Variants in RAMP1 observed in about 807,000 individuals in gnomAD.
RAMP1 encodes receptor activity modifying protein 1, also known as receptor activity-modifying protein 1.
RAMP1 carries 7 observed loss-of-function variants against 8.2 expected under a neutral mutation model. The observed-to-expected ratio is 0.85, with a 90% CI of 0.49 to 1.60. The LOEUF (loss-of-function observed/expected upper bound fraction) is 1.60, where lower values mean the gene tolerates loss of function less well. Ranked by LOEUF, RAMP1 falls within the 40% of genes most tolerant of loss-of-function variation. RAMP1 has a pLI of 0.00. For missense variants in RAMP1, 192 were observed against 202.4 expected (o/e 0.95, Z 0.31); for synonymous variants, 92 against 84.7 (o/e 1.09, Z -0.47).
At position 237,876,105 on chromosome 2, in the gene RAMP1, C is replaced by T. The variant is rs145612908; in HGVS notation, c.53-1119C>T. Among the ~76,000 whole-genome samples, 795 of 152,272 alleles carry T rather than the reference C, an allele frequency of 5.2e-3. 6 individuals carry two copies. Among genetic ancestry groups the T allele is most frequent in the African/African-American group, 0.018 (768 of 41,564 alleles). ...TGTGTGTGAAGAGCTCCAGGGTGCCCGGCGCATCGGGGCAGCTCCAGTTCC... is the reference window on the plus strand; with the variant it reads ...TGTGTGTGAAGAGCTCCAGGGTGCCTGGCGCATCGGGGCAGCTCCAGTTCC... On this transcript the variant is annotated intron_variant, in intron 1 of 2. Coordinates refer to ENST00000254661, the MANE Select transcript of RAMP1 (RefSeq NM_005855.4).
At chr2:237,901,447 G>T (rs374019758) in intron 2 of RAMP1, among the ~76,000 whole-genome samples, 1 of 152,234 alleles carries the variant, frequency 6.6e-6, no homozygotes, top group South Asian at 2.1e-4. Context: ...TCCAGAAAAG[G>T]CCTCTTTGAG....
At chr2:237,910,128 A>G (rs1465601991) in intron 2 of RAMP1, among the ~76,000 whole-genome samples, 1 of 152,104 alleles carries the variant, frequency 6.6e-6, no homozygotes, top group Non-Finnish European at 1.5e-5. Flanking sequence ...ATATGGGGTC[A>G]CACGTACCCG....
At chr2:237,901,316 G>T (rs1380746338) in intron 2 of RAMP1, among the ~76,000 whole-genome samples, 1 of 152,262 alleles carries the variant, frequency 6.6e-6, no homozygotes, top group East Asian at 1.9e-4. Context: ...GGTGTCTGCA[G>T]TCTGGTTGTT....
intron 1 of RAMP1, among the ~76,000 whole-genome samples, chr2:237,876,100 G>T (rs1235372824): frequency 6.6e-6 from 1 of 152,196 alleles, no homozygotes; most frequent in Non-Finnish European, 1.5e-5. Flanking sequence ...GAGCTCCAGG[G>T]TGCCCGGCGC....
intron 2 of RAMP1, among the ~76,000 whole-genome samples, chr2:237,901,878 G>A (rs1239476501): frequency 6.6e-6 from 1 of 151,814 alleles, no homozygotes; most frequent in Non-Finnish European, 1.5e-5. Context: ...ACAGAAAAGT[G>A]GAAGCTGGTA....
chr2:237,869,422 C>G (rs1421552516), intron 1 of RAMP1, among the ~76,000 whole-genome samples: 1 of 152,170 alleles, frequency 6.6e-6, no homozygotes, highest in Non-Finnish European at 1.5e-5. Flanking sequence ...GAAACTCTGT[C>G]CCAGTTAAAC....
intron 1 of RAMP1, among the ~76,000 whole-genome samples, chr2:237,874,320 G>A (rs114171265): frequency 0.01 from 1,589 of 152,314 alleles, 30 homozygotes; most frequent in African/African-American, 0.036. Flanking sequence ...ATTGTTTCTG[G>A]CCCCTGCACC....
intron 2 of RAMP1, among the ~76,000 whole-genome samples, chr2:237,909,260 G>A (rs2062684346): frequency 1.3e-5 from 2 of 152,164 alleles, no homozygotes; most frequent in African/African-American, 4.8e-5. Flanking sequence ...CTCTCACCTG[G>A]CAGCCCTCCA....
intron 1 of RAMP1, among the ~76,000 whole-genome samples, chr2:237,868,736 T>C (rs1433141002): frequency 2.6e-5 from 4 of 152,258 alleles, no homozygotes; most frequent in African/African-American, 4.8e-5. Flanking sequence ...TGAGTTTGCC[T>C]CTGCCTTGTG....
chr2:237,907,172 C>T (rs2062661808), intron 2 of RAMP1, among the ~76,000 whole-genome samples: 1 of 152,180 alleles, frequency 6.6e-6, no homozygotes, highest in South Asian at 2.1e-4. Flanking sequence ...AAGAAATCTG[C>T]TGTAACTCAC....
chr2:237,900,441 G>T (rs966323882), intron 2 of RAMP1, among the ~76,000 whole-genome samples: 1 of 138,610 alleles, frequency 7.2e-6, no homozygotes, highest in Middle Eastern at 3.5e-3. Context: ...TATTACAGGC[G>T]TGAGCCACCG....
chr2:237,859,760 CT>C (rs1231018762), intron 1 of RAMP1, 33 bp downstream of exon 1: 3 of 1,493,028 alleles, frequency 2.0e-6, no homozygotes, highest in South Asian at 1.3e-5. Context: ...GCCGAGCTCC[CT>C]TCCCCTGGCC....
chr2:237,910,447 A>G (rs900843947), intron 2 of RAMP1, among the ~76,000 whole-genome samples: 1 of 151,978 alleles, frequency 6.6e-6, no homozygotes, highest in African/African-American at 2.4e-5. Flanking sequence ...ACACTCAGAG[A>G]ATAACAGTCA....
intron 1 of RAMP1, among the ~76,000 whole-genome samples, chr2:237,875,356 T>G (rs2151007646): frequency 6.6e-6 from 1 of 151,954 alleles, no homozygotes; most frequent in African/African-American, 2.4e-5. Flanking sequence ...TGGACTCAGG[T>G]GGGTACAGAG....
chr2:237,903,049 G>A (rs1445976807), intron 2 of RAMP1, among the ~76,000 whole-genome samples: 1 of 152,106 alleles, frequency 6.6e-6, no homozygotes, highest in Non-Finnish European at 1.5e-5. Context: ...CAGAGAGACT[G>A]GGTCTCACTA....
At chr2:237,904,448 A>G (rs2062634763) in intron 2 of RAMP1, among the ~76,000 whole-genome samples, 2 of 151,842 alleles carry the variant, frequency 1.3e-5, no homozygotes, top group Non-Finnish European at 2.9e-5. Context: ...AAATAAATAA[A>G]TAAATGAAAG....
chr2:237,892,735 T>TTCTG (rs2062498879), intron 2 of RAMP1, among the ~76,000 whole-genome samples: 2 of 148,736 alleles, frequency 1.3e-5, no homozygotes, highest in East Asian at 3.9e-4. Context: ...GGGCTTCCTC[T>TTCTG]TCTCTCTCTC....
At chr2:237,888,823 G>C (rs778321666) in intron 2 of RAMP1, among the ~76,000 whole-genome samples, 1 of 152,110 alleles carries the variant, frequency 6.6e-6, no homozygotes, top group Non-Finnish European at 1.5e-5. Flanking sequence ...CCAGGCTGGA[G>C]TGCAGCGGCA....
chr2:237,891,154 C>CT (rs1169507970), intron 2 of RAMP1, among the ~76,000 whole-genome samples: 3,452 of 143,618 alleles, frequency 0.024, 139 homozygotes, highest in African/African-American at 0.078. Context: ...ATTGTATTCT[C>CT]TTTTTTTTTT....
Sources: gnomAD v4.1 joint callset for allele counts (sites outside exome capture counted in the v4.1 genomes callset) on GRCh38, gnomAD v4.1.1 for gene constraint, MANE v1.5 for transcripts, NCBI Gene and HGNC (gene_info 2026-07-23, HGNC 2026-07-21) for gene names.